Variants in EVC observed in about 807,000 individuals in gnomAD.
EVC encodes evC complex member EVC.
A neutral mutation model predicts 118.9 loss-of-function variants in EVC; 116 were observed. The observed-to-expected ratio is 0.98, with a 90% CI of 0.84 to 1.14. The LOEUF is 1.14. Ranked by LOEUF, EVC falls within the 50% of genes most tolerant of loss-of-function variation. The pLI, the probability that EVC is intolerant of heterozygous loss-of-function variation, is 0.00. For synonymous variants in EVC, 619 were observed against 534.7 expected (o/e 1.16, Z -2.18); for missense variants, 1,401 against 1,246.4 (o/e 1.12, Z -1.87).
intron 12 of EVC, among the ~76,000 whole-genome samples, chr4:5,788,196 C>A (rs961766157): frequency 3.9e-5 from 6 of 152,170 alleles, no homozygotes; most frequent in Non-Finnish European, 8.8e-5. Flanking sequence ...AAGCTTAAAA[C>A]AACATGCACT....
rs571871058 is a variant in EVC at position 5,804,866 on chromosome 4, G to A, written c.2561+25G>A. 1.2e-5 allele frequency: 19 copies of A among 1,583,618 alleles called. No homozygotes were observed. In the African/African-American group the frequency reaches 1.2e-4, roughly 10 times the overall value. On this transcript the variant is annotated intron_variant, in intron 17 of 20. Transcript: ENST00000264956. ...GGTGAGGTCCCAACTGAGGTCCCACGTAGGGCTGTTCTCTACCCCATTCAC... is the reference window on the plus strand; with the variant it reads ...GGTGAGGTCCCAACTGAGGTCCCACATAGGGCTGTTCTCTACCCCATTCAC...
In EVC at chr4:5,755,354, A is replaced by G. The variant is rs1730999327; in HGVS notation, c.1465-910A>G. 6.6e-6 allele frequency among the ~76,000 whole-genome samples: 1 copy of G among 152,168 alleles called. No homozygotes were observed. Among genetic ancestry groups the G allele is most frequent in the Admixed American group, 6.5e-5 (1 of 15,276 alleles). On this transcript the variant is annotated intron_variant, in intron 10 of 20. Transcript: ENST00000264956. The surrounding 1 kb of genome is among the most constrained non-coding windows in gnomAD (Gnocchi z 4.1). ...CTGGCGTTCAGGACACGTGGGACGC[A>G]GGCAGGGAAGGGTGAATGAGCGCAT...
intron 2 of EVC, among the ~76,000 whole-genome samples, chr4:5,726,388 T>C (rs1463282148): frequency 1.3e-5 from 2 of 152,088 alleles, no homozygotes; most frequent in East Asian, 3.9e-4. Flanking sequence ...AGTGCAGGGC[T>C]GGGGTGAGGA....
intron 11 of EVC, among the ~76,000 whole-genome samples, chr4:5,775,216 T>C (rs1179997750): frequency 6.6e-6 from 1 of 152,016 alleles, no homozygotes; most frequent in African/African-American, 2.4e-5. Flanking sequence ...ATAATGTCCA[T>C]CATCCCCACT....
intron 13 of EVC, among the ~76,000 whole-genome samples, chr4:5,794,314 T>TG (rs1491554849): frequency 1.5e-5 from 2 of 132,662 alleles, no homozygotes; most frequent in African/African-American, 5.8e-5. Context: ...TTTTTATATA[T>TG]TTATATATAT....
At position 5,729,402 on chromosome 4, in the gene EVC, G is replaced by A. The variant is rs1192867917; in HGVS notation, c.384+12G>A. The stretch of plus-strand genomic sequence containing the variant: ...ATCAGAAGTTCCGGGTGAGAGTCCT[G>A]AGCTCCATCATAGAAAGCCAGTTAC... On this transcript the variant is annotated intron_variant, in intron 3 of 20. Transcript: ENST00000264956. The A allele has an allele frequency of 1.2e-6, 2 of 1,613,132 alleles. No homozygotes were observed. Among genetic ancestry groups the A allele is most frequent in the East Asian group, 2.2e-5 (1 of 44,876 alleles).
At chr4:5,774,855 G>A (rs1734485903) in intron 11 of EVC, among the ~76,000 whole-genome samples, 1 of 152,140 alleles carries the variant, frequency 6.6e-6, no homozygotes, top group Non-Finnish European at 1.5e-5. Flanking sequence ...TTCAGGCACA[G>A]AATAAATCAG....
At chr4:5,767,250 T>C (rs536170389) in intron 11 of EVC, among the ~76,000 whole-genome samples, 124 of 152,096 alleles carry the variant, frequency 8.2e-4, no homozygotes, top group African/African-American at 2.8e-3. Flanking sequence ...GGAAGCAGTC[T>C]GCCTGTTCTC....
chr4:5,811,294 G>A lies in EVC; in HGVS notation c.*257G>A. Reference sequence around the variant, plus strand: ...ATTTGGCTTGGAGCCCTGGCTCGATGCCTCATGGATCTTTCTCCCCAAGGA... The same window carrying A: ...ATTTGGCTTGGAGCCCTGGCTCGATACCTCATGGATCTTTCTCCCCAAGGA... On this transcript the variant is annotated 3_prime_UTR_variant, in exon 21 of 21. Coordinates refer to ENST00000264956, the MANE Select transcript of EVC (RefSeq NM_153717.3). The A allele has an allele frequency of 2.1e-6, 1 of 467,076 alleles. No individual in the cohort carries two copies. Among genetic ancestry groups the A allele is most frequent in the Non-Finnish European group, 3.9e-6 (1 of 253,612 alleles). 28.9% of individuals were successfully genotyped at this position (467,076 alleles called of 1,614,324 possible).
At chr4:5,821,793 AG>A in the EVC span, 3 of 1,611,520 alleles carry the variant, frequency 1.9e-6, no homozygotes, top group Non-Finnish European at 8.5e-7. The surrounding 1 kb of genome is among the most constrained non-coding windows in gnomAD (Gnocchi z 4.4). Flanking sequence ...AGCGGCCACC[AG>A]GGGGCGCCAC....
chr4:5,810,297 T>TA (rs1387059264), intron 19 of EVC, 42 bp from the exon 20 acceptor site: 3 of 1,528,302 alleles, frequency 2.0e-6, no homozygotes, highest in Admixed American at 1.8e-5. Context: ...GTCACTTGTC[T>TA]AAAGTCACAG....
chr4:5,756,490 C>A lies in EVC; in HGVS notation c.1563+128C>A. The A allele has an allele frequency of 1.3e-6, 1 of 766,734 alleles. No individual in the cohort carries two copies. The highest frequency in any genetic ancestry group is 1.5e-5 in the South Asian group (1 of 67,414). The allele number at this position is 766,734 out of a possible 1,614,324, so 47.5% of individuals were successfully genotyped here. On this transcript the variant is annotated intron_variant, in intron 11 of 20. Transcript: ENST00000264956. The surrounding 1 kb of genome is among the most constrained non-coding windows in gnomAD (Gnocchi z 4.2). Reference sequence around the variant, plus strand: ...AACCCCGCACTCATTGGCCGGTGATCCACGCAGGCTGTGTCCCCTCCATGC... The same window carrying A: ...AACCCCGCACTCATTGGCCGGTGATACACGCAGGCTGTGTCCCCTCCATGC...
rs1722992280 is a variant in EVC, at chr4:5,711,431, GC to G, written c.52del (p.Arg18GlyfsTer98). ...CKSDARLLLG[R>X]DALRPAPALL... ...AGAGCGACGCGCGGCTGCTGCTGGGGCGGGACGCGCTGCGGCCGGCGCCCGC... is the reference window on the plus strand; with the variant it reads ...AGAGCGACGCGCGGCTGCTGCTGGGGGGGACGCGCTGCGGCCGGCGCCCGC... On this transcript the variant is annotated frameshift_variant, in exon 1 of 21. Coordinates refer to ENST00000264956, the MANE Select transcript of EVC (RefSeq NM_153717.3). LOFTEE classifies it high-confidence loss of function. 2 of 1,024,134 alleles carry G rather than the reference GC, an allele frequency of 2.0e-6. No individual in the cohort carries two copies. The highest frequency in any genetic ancestry group is 5.6e-5 in the Admixed American group (1 of 17,948). 63.4% of individuals were successfully genotyped at this position (1,024,134 alleles called of 1,614,324 possible). A position where few individuals can be genotyped will look rare whatever the true frequency, so the allele number is the denominator to read the frequency against.
the EVC span, among the ~76,000 whole-genome samples, chr4:5,827,544 T>G: frequency 2.0e-5 from 3 of 151,928 alleles, no homozygotes; most frequent in Non-Finnish European, 4.4e-5. Flanking sequence ...TTAGGAAGCA[T>G]ACAAAGAACA....
rs369837199 is a variant in EVC, at chr4:5,768,250, A to G, written c.1563+11888A>G. Among the ~76,000 whole-genome samples, 267 of 152,226 alleles carry G rather than the reference A, an allele frequency of 1.8e-3. 2 individuals carry two copies. The highest frequency in any genetic ancestry group is 6.2e-3 in the African/African-American group (256 of 41,514). On this transcript the variant is annotated intron_variant, in intron 11 of 20. Coordinates refer to ENST00000264956, the MANE Select transcript of EVC (RefSeq NM_153717.3). ...CTGAGTGAGACAGGAAATCACCAGC[A>G]TGTTTTGAGTAGGGAAGTGACTTGC...
At chr4:5,779,412 A>G (rs1202944560) in intron 11 of EVC, among the ~76,000 whole-genome samples, 21 of 145,280 alleles carry the variant, frequency 1.4e-4, no homozygotes, top group Middle Eastern at 3.7e-3. Context: ...ATGGCATTGA[A>G]TCTATAAATT....
chr4:5,753,785 A>G lies in EVC; in HGVS notation c.1316A>G (p.Glu439Gly). Reference sequence around the variant, plus strand: ...ATGCTGTGGCTTTTTTCAATCCCAGAGTTTGTCCAGCGAGGCAAAGACCTG... The same window carrying G: ...ATGCTGTGGCTTTTTTCAATCCCAGGGTTTGTCCAGCGAGGCAAAGACCTG... ...FWQEAERFSREFVQRGKDLVT... is the reference protein window; with the variant it reads ...FWQEAERFSRGFVQRGKDLVT... The change falls in exon 10 of 21, where the codon GAG becomes GGG. Residue 439 changes from glutamate to glycine, a missense_variant and splice_region_variant. Glu to Gly is a moderately conservative substitution (Grantham distance 98). Transcript: ENST00000264956. 1 of 1,613,892 alleles carries G rather than the reference A, an allele frequency of 6.2e-7. No individual in the cohort carries two copies. The highest frequency in any genetic ancestry group is 8.5e-7 in the Non-Finnish European group (1 of 1,179,926).
chr4:5,809,103 T>C (rs1429881782), intron 18 of EVC, among the ~76,000 whole-genome samples: 4 of 152,232 alleles, frequency 2.6e-5, no homozygotes, highest in Admixed American at 6.5e-5. Flanking sequence ...CAGGTTACGT[T>C]GCTATCCAGG....
chr4:5,717,876 A>G (rs1157412479), intron 1 of EVC, among the ~76,000 whole-genome samples: 2 of 152,046 alleles, frequency 1.3e-5, no homozygotes, highest in Admixed American at 6.5e-5. Context: ...GTATTTTTTC[A>G]TTTGTTTGCC....
Sources: gnomAD v4.1 joint callset for allele counts (sites outside exome capture counted in the v4.1 genomes callset) on GRCh38, gnomAD v4.1.1 for gene constraint, Gnocchi (gnomAD v3.1) non-coding constraint, MANE v1.5 for transcripts, NCBI Gene and HGNC (gene_info 2026-07-23, HGNC 2026-07-21) for gene names.